The following LDLRAD3 variants were observed in gnomAD, a reference collection of about 807,000 sequenced individuals.
LDLRAD3 encodes low density lipoprotein receptor class A domain containing 3.
In LDLRAD3, 20 loss-of-function variants were observed where a neutral mutation model predicts 29.4. That is an observed-to-expected ratio of 0.68 (90% CI 0.48 to 0.99). LDLRAD3 has a LOEUF of 0.99. Among genes scored for constraint, LDLRAD3 ranks in the 50% least tolerant of loss-of-function variants. The probability of loss-of-function intolerance (pLI) is 0.00; values close to 1 mark genes in which losing one functional copy is unlikely to be tolerated. For missense variants in LDLRAD3, 420 were observed against 454.3 expected (o/e 0.92, Z 0.69); for synonymous variants, 157 against 192.7 (o/e 0.81, Z 1.53).
intron 4 of LDLRAD3, among the ~76,000 whole-genome samples, chr11:36,165,861 G>C (rs954093784): frequency 6.6e-6 from 1 of 150,866 alleles, no homozygotes; most frequent in Admixed American, 6.6e-5. Flanking sequence ...AAAAATAAGT[G>C]ATCTCATTTT....
At chr11:35,953,892 A>G (rs565773112) in intron 1 of LDLRAD3, among the ~76,000 whole-genome samples, 64 of 152,342 alleles carry the variant, frequency 4.2e-4, no homozygotes, top group Admixed American at 3.7e-3. Flanking sequence ...AAAAAGTATG[A>G]TACTAGCAAG....
intron 1 of LDLRAD3, among the ~76,000 whole-genome samples, chr11:36,023,345 C>G (rs1852122199): frequency 6.6e-6 from 1 of 151,946 alleles, no homozygotes; most frequent in Non-Finnish European, 1.5e-5. Flanking sequence ...TTATTTTCTC[C>G]TGTTGCAGGG....
In LDLRAD3 at chr11:36,126,531, CGG is replaced by C. The variant is rs200113500; in HGVS notation, c.454+28072_454+28073del. Among the ~76,000 whole-genome samples the C allele has an allele frequency of 1.0e-3, 159 of 152,218 alleles. 2 individuals are homozygous for C. In the East Asian group the frequency reaches 0.016, roughly 15 times the overall value. On this transcript the variant is annotated intron_variant, in intron 4 of 5. Coordinates refer to ENST00000315571, the MANE Select transcript of LDLRAD3 (RefSeq NM_174902.4). ...GATTGGCCTTCGGTGTGGTCAGGGT[CGG>C]GAGGCTGGTCCCCAGAAGAAGCCAG...
intron 4 of LDLRAD3, among the ~76,000 whole-genome samples, chr11:36,157,968 G>T (rs1362382972): frequency 6.6e-6 from 1 of 152,118 alleles, no homozygotes; most frequent in Non-Finnish European, 1.5e-5. Flanking sequence ...AAGCAATTTG[G>T]ACCCCAACCT....
intron 4 of LDLRAD3, among the ~76,000 whole-genome samples, chr11:36,226,871 T>G (rs1018146997): frequency 2.6e-5 from 4 of 152,236 alleles, no homozygotes; most frequent in Non-Finnish European, 5.9e-5. Context: ...TTTATTAACT[T>G]TTTATGGCTG....
chr11:36,208,792 A>G (rs549766941), intron 4 of LDLRAD3, among the ~76,000 whole-genome samples: 7 of 140,018 alleles, frequency 5.0e-5, no homozygotes, highest in Non-Finnish European at 1.0e-4. Context: ...CATGAGAACA[A>G]CACAGTAATA....
At position 36,027,875 on chromosome 11, in the gene LDLRAD3, C is replaced by T. The variant is rs187587496; in HGVS notation, c.47-8228C>T. Among the ~76,000 whole-genome samples the T allele has an allele frequency of 5.3e-5, 8 of 152,248 alleles. No individual in the cohort carries two copies. In the South Asian group the frequency reaches 6.2e-4, roughly 12 times the overall value. ...TTATCACAAGCCAGATAAAATTGGT[C>T]GTAAAGTTGTCTCCTCCTTCAGTTT... is the stretch of plus-strand genomic sequence containing the variant. On this transcript the variant is annotated intron_variant, in intron 1 of 5. Transcript: ENST00000315571.
intron 4 of LDLRAD3, chr11:36,163,491 A>C (rs1411710635): frequency 6.6e-6 from 1 of 152,210 alleles, no homozygotes; most frequent in African/African-American, 2.4e-5. Context: ...TCAAGTGCCC[A>C]GTGTAGGTAA....
At chr11:36,036,671 C>A (rs570761375) in intron 2 of LDLRAD3, among the ~76,000 whole-genome samples, 2 of 152,142 alleles carry the variant, frequency 1.3e-5, no homozygotes, top group Non-Finnish European at 2.9e-5. Context: ...TACAGAGCAC[C>A]GTGGAATTTT....
chr11:35,977,847 A>T (rs116872073), intron 1 of LDLRAD3, among the ~76,000 whole-genome samples: 181 of 152,256 alleles, frequency 1.2e-3, no homozygotes, highest in Middle Eastern at 0.01. Context: ...CCCATTCATG[A>T]CCTAACCACC....
intron 1 of LDLRAD3, among the ~76,000 whole-genome samples, chr11:35,960,250 AGAATATCCTATTATAT>A (rs1851259162): frequency 6.6e-6 from 1 of 152,228 alleles, no homozygotes; most frequent in African/African-American, 2.4e-5. Flanking sequence ...TAGCTGCGGT[AGAATATCCTATTATAT>A]GAATATACTA....
chr11:36,185,168 T>C (rs1227665314), intron 4 of LDLRAD3, among the ~76,000 whole-genome samples: 3 of 152,200 alleles, frequency 2.0e-5, no homozygotes, highest in Non-Finnish European at 4.4e-5. Context: ...GCCCATGATG[T>C]TGGAGAGACA....
intron 5 of LDLRAD3, among the ~76,000 whole-genome samples, chr11:36,228,519 G>C (rs949216793): frequency 6.6e-6 from 1 of 152,194 alleles, no homozygotes; most frequent in Non-Finnish European, 1.5e-5. Context: ...TTCCTCACCA[G>C]AGCAACAGGC....
intron 4 of LDLRAD3, among the ~76,000 whole-genome samples, chr11:36,222,786 C>T (rs1268083183): frequency 2.0e-5 from 3 of 152,150 alleles, no homozygotes; most frequent in Non-Finnish European, 2.9e-5. Context: ...TATGTAATGA[C>T]TTTGAGGTGA....
At chr11:36,048,926 A>G (rs186239382) in intron 2 of LDLRAD3, among the ~76,000 whole-genome samples, 1 of 152,200 alleles carries the variant, frequency 6.6e-6, no homozygotes, top group Non-Finnish European at 1.5e-5. Context: ...GCTTCATTCC[A>G]TCTCGCCAGT....
At chr11:35,987,290 T>C (rs1199363322) in intron 1 of LDLRAD3, among the ~76,000 whole-genome samples, 1 of 152,218 alleles carries the variant, frequency 6.6e-6, no homozygotes, top group Non-Finnish European at 1.5e-5. Flanking sequence ...AGGGGATACC[T>C]GTGCAGGTTT....
chr11:36,038,557 C>G (rs1211739353), intron 2 of LDLRAD3, among the ~76,000 whole-genome samples: 1 of 152,204 alleles, frequency 6.6e-6, no homozygotes, highest in African/African-American at 2.4e-5. Context: ...TTAGTGCATT[C>G]TATGGCATTC....
At chr11:36,015,041 C>T (rs963287502) in intron 1 of LDLRAD3, among the ~76,000 whole-genome samples, 1 of 152,180 alleles carries the variant, frequency 6.6e-6, no homozygotes, top group Non-Finnish European at 1.5e-5. Context: ...AGGGCAGTCC[C>T]CTACTCCCTG....
chr11:35,976,852 G>T (rs1413985303), intron 1 of LDLRAD3, among the ~76,000 whole-genome samples: 1 of 152,164 alleles, frequency 6.6e-6, no homozygotes, highest in Admixed American at 6.5e-5. Flanking sequence ...GTGTTTGTGT[G>T]TGTGTGCGTG....
Sources: allele counts gnomAD v4.1 joint callset (sites outside exome capture counted in the v4.1 genomes callset), GRCh38; gene constraint gnomAD v4.1.1; transcripts MANE v1.5; gene names NCBI Gene and HGNC (gene_info 2026-07-23, HGNC 2026-07-21).